Variants in SOX5 observed in about 807,000 individuals in gnomAD.
The protein encoded by SOX5 is SRY-box transcription factor 5.
SOX5 carries 9 observed loss-of-function variants against 92.0 expected under a neutral mutation model. The ratio of observed to expected loss-of-function variants is 0.10; its 90% confidence interval spans 0.06 to 0.17. The LOEUF is 0.17. SOX5 is among the 10% of genes least tolerant of loss of function. The probability of loss-of-function intolerance (pLI) is 1.00; values close to 1 mark genes in which losing one functional copy is unlikely to be tolerated. For missense variants in SOX5, 642 were observed against 944.5 expected (o/e 0.68, Z 4.20); for synonymous variants, 344 against 336.3 (o/e 1.02, Z -0.25).
chr12:23,807,902 C>G (rs2095809774), intron 3 of SOX5, among the ~76,000 whole-genome samples: 1 of 152,016 alleles, frequency 6.6e-6, no homozygotes, highest in South Asian at 2.1e-4. Context: ...CCCGCCTCGG[C>G]CTCACAAAGC....
In SOX5 at chr12:24,284,066, C is replaced by T. The variant is rs148181486; in HGVS notation, c.-173-6754G>A. Among the ~76,000 whole-genome samples the T allele has an allele frequency of 5.5e-3, 832 of 152,292 alleles. 8 individuals are homozygous for T. Among genetic ancestry groups the T allele is most frequent in the African/African-American group, 0.019 (788 of 41,542 alleles). On this transcript the variant is annotated intron_variant, in intron 2 of 4. Transcript: ENST00000446891. ...AAAGGCTCACCATGGGTTTCACAGC[C>T]AGAGGCTATGTCAGATAGTCGCATT...
chr12:23,696,964 A>G (rs2089970208), intron 6 of SOX5, among the ~76,000 whole-genome samples: 1 of 152,106 alleles, frequency 6.6e-6, no homozygotes, highest in South Asian at 2.1e-4. Flanking sequence ...CATGGTTTAA[A>G]TTATTTCAGT....
chr12:24,464,507 A>T (rs1019632760), intron 1 of SOX5, among the ~76,000 whole-genome samples: 1 of 151,746 alleles, frequency 6.6e-6, no homozygotes, highest in African/African-American at 2.4e-5. Flanking sequence ...CGCCCAGCTA[A>T]TTTTTTTGTA....
intron 4 of SOX5, among the ~76,000 whole-genome samples, chr12:24,123,511 C>T (rs1565482296): frequency 2.6e-5 from 4 of 152,106 alleles, no homozygotes. Flanking sequence ...TTCATTAAAG[C>T]TTACTTACAG....
intron 1 of SOX5, among the ~76,000 whole-genome samples, chr12:23,899,876 T>G (rs1285592613): frequency 2.0e-5 from 3 of 152,128 alleles, no homozygotes; most frequent in Non-Finnish European, 2.9e-5. Flanking sequence ...ATATTTTAAA[T>G]AAAAGAATAA....
intron 2 of SOX5, among the ~76,000 whole-genome samples, chr12:23,850,385 C>T (rs374808244): frequency 5.4e-5 from 8 of 149,270 alleles, no homozygotes; most frequent in African/African-American, 7.4e-5. Flanking sequence ...GCCAAGATTG[C>T]GCCACTGCAC....
At chr12:23,974,205 C>T (rs1948665549) in intron 4 of SOX5, among the ~76,000 whole-genome samples, 7 of 152,114 alleles carry the variant, frequency 4.6e-5, no homozygotes, top group Admixed American at 4.6e-4. Context: ...ACAGAAATCA[C>T]GCAAAGCAAA....
intron 1 of SOX5, among the ~76,000 whole-genome samples, chr12:24,458,945 C>T (rs1943322724): frequency 6.6e-6 from 1 of 152,064 alleles, no homozygotes; most frequent in East Asian, 1.9e-4. Flanking sequence ...CAGTACTCTC[C>T]CACTGCAATC....
At chr12:23,629,036 T>C (rs2078198576) in intron 8 of SOX5, among the ~76,000 whole-genome samples, 1 of 152,050 alleles carries the variant, frequency 6.6e-6, no homozygotes, top group African/African-American at 2.4e-5. Flanking sequence ...AGACTTGTGA[T>C]GTAAACAATC....
intron 6 of SOX5, among the ~76,000 whole-genome samples, chr12:23,694,669 C>T (rs978587068): frequency 6.6e-6 from 1 of 152,096 alleles, no homozygotes; most frequent in Non-Finnish European, 1.5e-5. Flanking sequence ...ACCACAAACA[C>T]CCTGTACTCA....
chr12:24,078,427 A>G (rs1942919104), intron 4 of SOX5, among the ~76,000 whole-genome samples: 1 of 152,120 alleles, frequency 6.6e-6, no homozygotes, highest in Non-Finnish European at 1.5e-5. Flanking sequence ...AAGCAACTAC[A>G]TAGAGTGAAG....
intron 4 of SOX5, among the ~76,000 whole-genome samples, chr12:24,096,271 C>T (rs1945403728): frequency 6.6e-6 from 1 of 152,036 alleles, no homozygotes; most frequent in African/African-American, 2.4e-5. Flanking sequence ...TCCCATAACC[C>T]CCAAACTTTT....
intron 4 of SOX5, among the ~76,000 whole-genome samples, chr12:23,979,696 A>ATT (rs1248234590): frequency 1.1e-4 from 3 of 27,430 alleles, no homozygotes; most frequent in Non-Finnish European, 2.2e-4. Context: ...ATATATATAT[A>ATT]TGTTTTTTTT....
At chr12:23,777,463 T>C (rs1168836175) in intron 3 of SOX5, among the ~76,000 whole-genome samples, 1 of 152,158 alleles carries the variant, frequency 6.6e-6, no homozygotes, top group Non-Finnish European at 1.5e-5. Flanking sequence ...TGAGCTCACA[T>C]TTTTCCAATT....
intron 6 of SOX5, among the ~76,000 whole-genome samples, chr12:23,695,118 CA>C (rs11464821): frequency 2.0e-4 from 28 of 139,552 alleles, no homozygotes; most frequent in African/African-American, 5.9e-4. Context: ...AACCTTGTCT[CA>C]AAAAAAAAAA....
At position 23,644,179 on chromosome 12, in the gene SOX5, G is replaced by C. The variant is rs138073368; in HGVS notation, c.932-3282C>G. On this transcript the variant is annotated intron_variant, in intron 7 of 14. Transcript: ENST00000451604. ...CTGTTGGAGCAAGCCGCTAGGTTGT[G>C]AGCTGCTCTGTGGAAAGACTCATAT... Among the ~76,000 whole-genome samples, 711 of 152,324 alleles carry C rather than the reference G, an allele frequency of 4.7e-3. 6 individuals are homozygous for C. The highest frequency in any genetic ancestry group is 5.7e-3 in the Non-Finnish European group (389 of 68,022).
At position 23,535,041 on chromosome 12, in the gene SOX5, A is replaced by G. The variant is rs546671461; in HGVS notation, c.1989-519T>C. Among the ~76,000 whole-genome samples, 3 of 152,260 alleles carry G rather than the reference A, an allele frequency of 2.0e-5. No homozygotes were observed. The South Asian group carries it at 6.2e-4, about 32-fold the overall frequency. On this transcript the variant is annotated intron_variant, in intron 14 of 14. Coordinates refer to ENST00000451604, the MANE Select transcript of SOX5 (RefSeq NM_006940.6). ...CTTATGTTTAGGTAGTGCTTTATAG[A>G]GTACAAGATATTGACATGTGTTGTC... is the stretch of plus-strand genomic sequence containing the variant.
Position 23,650,164 on chromosome 12 carries a change from C to A in SOX5, c.932-9267G>T, listed in dbSNP as rs144882768. Among the ~76,000 whole-genome samples the A allele has an allele frequency of 7.8e-3, 1,185 of 152,068 alleles. 16 individuals carry two copies. Among genetic ancestry groups the A allele is most frequent in the African/African-American group, 0.027 (1,132 of 41,504 alleles). On this transcript the variant is annotated intron_variant, in intron 7 of 14. Coordinates refer to ENST00000451604, the MANE Select transcript of SOX5 (RefSeq NM_006940.6). ...AGGAGGATTCACCATGTAAACTAAT[C>A]CAAATATACAATAAGCAAAGTAGAA...
At chr12:23,931,268 G>A (rs986832307) in intron 1 of SOX5, among the ~76,000 whole-genome samples, 2 of 151,776 alleles carry the variant, frequency 1.3e-5, no homozygotes, top group African/African-American at 2.4e-5. Flanking sequence ...TACTATATAC[G>A]TGGTCCAATT....
Sources: gnomAD v4.1 joint callset for allele counts (sites outside exome capture counted in the v4.1 genomes callset) on GRCh38, gnomAD v4.1.1 for gene constraint, MANE v1.5 for transcripts, NCBI Gene and HGNC (gene_info 2026-07-23, HGNC 2026-07-21) for gene names.